The following STOML3 variants were observed in gnomAD, a reference collection of about 807,000 sequenced individuals.
STOML3 encodes stomatin-like protein 3.
Under a neutral mutation model 29.5 loss-of-function variants are expected in STOML3, and 31 were observed. The ratio of observed to expected loss-of-function variants is 1.05; its 90% confidence interval spans 0.79 to 1.42. STOML3 has a LOEUF of 1.42. STOML3 is among the 40% of genes most tolerant of loss of function. The pLI, the probability that STOML3 is intolerant of heterozygous loss-of-function variation, is 0.00. For synonymous variants in STOML3, 122 were observed against 139.8 expected, an observed-to-expected ratio of 0.87 and a Z score of 0.90; for missense variants, 380 against 363.0, an observed-to-expected ratio of 1.05 and a Z score of -0.38.
intron 3 of STOML3, among the ~76,000 whole-genome samples, chr13:38,973,911 A>G (rs1880980056): frequency 8.5e-5 from 13 of 152,218 alleles, no homozygotes; most frequent in Admixed American, 8.5e-4. Flanking sequence ...CAATTTAAAT[A>G]GTAATGAAGG....
rs770169487 is a variant in STOML3 at position 38,976,710 on chromosome 13, A to G, written c.140T>C (p.Ile47Thr). ...LLVIITFPIS[I>T]WMCLKIIKEY... ...GGGTGTTACCTTCAAGCACATCCAT[A>G]TGGAGATGGGGAAGGTAATGATCAC... Residue 47 changes from isoleucine to threonine, a missense_variant, in exon 2 of 7, where the codon ATA becomes ACA. Transcript: ENST00000379631. The G allele has an allele frequency of 1.9e-6, 3 of 1,614,032 alleles. No homozygotes were observed. Among genetic ancestry groups the G allele is most frequent in the South Asian group, 1.1e-5 (1 of 91,048 alleles).
intron 1 of STOML3, among the ~76,000 whole-genome samples, chr13:38,978,506 A>G (rs1881170438): frequency 6.6e-6 from 1 of 152,014 alleles, no homozygotes; most frequent in Non-Finnish European, 1.5e-5. Context: ...CTCCTTGACA[A>G]CCAACCCCAT....
rs1045551892 is a variant in STOML3, at chr13:38,976,744, AAG to A, written c.104_105del (p.Ser35PhefsTer20). The A allele has an allele frequency of 4.3e-6, 7 of 1,613,996 alleles. No homozygotes were observed. The African/African-American group carries it at 6.7e-5, about 15-fold the overall frequency. ...GGGAAGGTAATGATCACCAACAGGA[AAG>A]AGAGGGAAAACAGGATCCAGCCACA... ...GVCGWILFSL[S>X]FLLVIITFPI... is the part of the protein sequence containing the mutation. On this transcript the variant is annotated frameshift_variant, in exon 2 of 7. Coordinates refer to ENST00000379631, the MANE Select transcript of STOML3 (RefSeq NM_145286.3). LOFTEE classifies it high-confidence loss of function.
At chr13:38,981,812 G>A (rs1023352785) in intron 1 of STOML3, among the ~76,000 whole-genome samples, 1 of 152,162 alleles carries the variant, frequency 6.6e-6, no homozygotes, top group African/African-American at 2.4e-5. Flanking sequence ...CATATGTGCT[G>A]TTGGAAGTTA....
chr13:38,980,008 C>T (rs752601727), intron 1 of STOML3: 1 of 1,529,764 alleles, frequency 6.5e-7, no homozygotes, highest in South Asian at 1.2e-5. Flanking sequence ...GCCTTAACAC[C>T]AGCTGCACAA....
rs1347960642 is a variant in STOML3, at chr13:38,973,118, A to C, written c.230-524T>G. On this transcript the variant is annotated intron_variant, in intron 3 of 6. Coordinates refer to ENST00000379631, the MANE Select transcript of STOML3 (RefSeq NM_145286.3). ...TACTAAAAAAAAAAAAAAAAAAAAA[A>C]AAAAAAAAAAAAAATTATCTGGGCA... Among the ~76,000 whole-genome samples the C allele has an allele frequency of 1.4e-4, 21 of 149,258 alleles. 1 individual carries two copies. The highest frequency in any genetic ancestry group is 4.7e-4 in the African/African-American group (19 of 40,700).
At chr13:38,976,926 A>G in intron 1 of STOML3, 129 bp from the exon 2 acceptor site, 1 of 702,888 alleles carries the variant, frequency 1.4e-6, no homozygotes, top group South Asian at 1.7e-5. Flanking sequence ...ACCTAAATCC[A>G]TTTACACCAT....
At chr13:38,978,056 G>C (rs576840117) in intron 1 of STOML3, among the ~76,000 whole-genome samples, 1 of 152,014 alleles carries the variant, frequency 6.6e-6, no homozygotes, top group Non-Finnish European at 1.5e-5. Flanking sequence ...CACCGCGCCC[G>C]GCCAGGGATC....
At chr13:38,980,277 G>T in intron 1 of STOML3, 1 of 730,614 alleles carries the variant, frequency 1.4e-6, no homozygotes, top group Non-Finnish European at 2.2e-6. Context: ...GGCTGTGAGT[G>T]CTGCTGTCAC....
At chr13:38,988,123 A>T (rs191557334) in intron 1 of STOML3, among the ~76,000 whole-genome samples, 2 of 91,086 alleles carry the variant, frequency 2.2e-5, no homozygotes, top group African/African-American at 5.2e-5. Context: ...TATTTTATAT[A>T]TTATATTTTA....
intron 1 of STOML3, among the ~76,000 whole-genome samples, chr13:38,977,947 A>G (rs983685966): frequency 4.6e-5 from 7 of 151,448 alleles, no homozygotes; most frequent in Admixed American, 1.3e-4. Flanking sequence ...CTTTTAGTAG[A>G]GGCGAGGATT....
intron 5 of STOML3, among the ~76,000 whole-genome samples, chr13:38,969,982 C>T (rs985754596): frequency 7.2e-5 from 11 of 152,172 alleles, no homozygotes. Context: ...TGCTTTCTTG[C>T]ACTCAGATAT....
Position 38,972,985 on chromosome 13 carries a change from G to A in STOML3, c.230-391C>T, listed in dbSNP as rs143605101. Among the ~76,000 whole-genome samples the A allele has an allele frequency of 5.0e-3, 760 of 151,750 alleles. 6 individuals carry two copies. Among genetic ancestry groups the A allele is most frequent in the African/African-American group, 0.015 (617 of 41,384 alleles). On this transcript the variant is annotated intron_variant, in intron 3 of 6. Coordinates refer to ENST00000379631, the MANE Select transcript of STOML3 (RefSeq NM_145286.3). ...ATATTAAAAGATGTTAAGGCTGGGCGCGGTGGCTCACGCCTGTAATCCCAG... is the reference window on the plus strand; with the variant it reads ...ATATTAAAAGATGTTAAGGCTGGGCACGGTGGCTCACGCCTGTAATCCCAG...
At chr13:38,975,792 C>A (rs1360875934) in intron 3 of STOML3, among the ~76,000 whole-genome samples, 2 of 152,076 alleles carry the variant, frequency 1.3e-5, no homozygotes, top group Non-Finnish European at 2.9e-5. Flanking sequence ...TTAGTATCCA[C>A]CCCAACCCCG....
intron 3 of STOML3, among the ~76,000 whole-genome samples, 192 bp downstream of exon 3, chr13:38,976,348 C>CA (rs1242177786): frequency 6.6e-6 from 1 of 152,170 alleles, no homozygotes; most frequent in East Asian, 1.9e-4. Context: ...TCCAAACTCT[C>CA]AAACTGGTGG....
At chr13:38,984,701 A>G (rs1015170892) in intron 1 of STOML3, among the ~76,000 whole-genome samples, 4 of 152,208 alleles carry the variant, frequency 2.6e-5, no homozygotes, top group Non-Finnish European at 5.9e-5. Flanking sequence ...TGTTCTCACA[A>G]TGACAAAATC....
chr13:38,975,008 C>T (rs184149945), intron 3 of STOML3, among the ~76,000 whole-genome samples: 6 of 152,142 alleles, frequency 3.9e-5, no homozygotes, highest in African/African-American at 1.4e-4. Flanking sequence ...TTCTTAGGTC[C>T]TTTATGAAAT....
In STOML3 at chr13:38,970,283, T is replaced by A; in HGVS notation, c.418A>T (p.Thr140Ser). Residue 140 changes from threonine (T) to serine (S), a missense_variant, in exon 5 of 7, where the codon ACA (threonine) becomes TCA (serine). Coordinates refer to ENST00000379631, the MANE Select transcript of STOML3 (RefSeq NM_145286.3). ...AGAGTGGTTTGAGCCAGCAGAAATG[T>A]TGCTTGATGGACATCGTTGACATTA... The part of the protein sequence containing the change: ...VANVNDVHQA[T>S]FLLAQTTLRN... 6.2e-7 allele frequency: 1 copy of A among 1,614,210 alleles called. No individual in the cohort carries two copies. The highest frequency in any genetic ancestry group is 8.5e-7 in the Non-Finnish European group (1 of 1,180,038).
chr13:38,990,772 T>C lies in STOML3; in HGVS notation c.-51A>G. On this transcript the variant is annotated 5_prime_UTR_variant, in exon 1 of 7. Transcript: ENST00000379631. ...TGGCAATTTTTCATGGGTTTGGAGCTAAGTGTGAAGAACAGGCAGCAACTC... is the reference window on the plus strand; with the variant it reads ...TGGCAATTTTTCATGGGTTTGGAGCCAAGTGTGAAGAACAGGCAGCAACTC... The C allele has an allele frequency of 6.3e-7, 1 of 1,583,300 alleles. No homozygotes were observed. Among genetic ancestry groups the C allele is most frequent in the Non-Finnish European group, 8.7e-7 (1 of 1,153,746 alleles).
Sources: gnomAD v4.1 joint callset for allele counts (sites outside exome capture counted in the v4.1 genomes callset) on GRCh38, gnomAD v4.1.1 for gene constraint, MANE v1.5 for transcripts, NCBI Gene and HGNC (gene_info 2026-07-23, HGNC 2026-07-21) for gene names.